Variants in GSR observed in about 807,000 individuals in gnomAD.
GSR encodes the protein glutathione reductase, mitochondrial.
Under a neutral mutation model 56.5 loss-of-function variants are expected in GSR, and 48 were observed. The observed-to-expected ratio is 0.85, with a 90% confidence interval of 0.67 to 1.08. GSR has a LOEUF of 1.08. Ranked by LOEUF, GSR falls within the 50% of genes least tolerant of loss-of-function variation. GSR has a pLI of 0.00. For missense variants in GSR, 694 were observed against 703.3 expected, an observed-to-expected ratio of 0.99 and a Z score of 0.15; for synonymous variants, 264 against 270.8, an observed-to-expected ratio of 0.97 and a Z score of 0.25.
chr8:30,696,486 C>T lies in GSR; in HGVS notation c.696-7G>A, dbSNP rs376634766. 1.8e-5 allele frequency: 28 copies of T among 1,585,362 alleles called. No homozygotes were observed. In the African/African-American group the frequency reaches 1.9e-4, roughly 11 times the overall value. On this transcript the variant is annotated splice_region_variant and splice_polypyrimidine_tract_variant and intron_variant, in intron 6 of 12. Transcript: ENST00000221130. Reference sequence around the variant, plus strand: ...ACCAACAATGACGCTGCGGCTGAGACGCGAGCAGAGGGTTAGTATTCTTAA... The same window carrying T: ...ACCAACAATGACGCTGCGGCTGAGATGCGAGCAGAGGGTTAGTATTCTTAA...
chr8:30,711,240 G>T (rs1804132139), intron 2 of GSR, among the ~76,000 whole-genome samples: 1 of 152,148 alleles, frequency 6.6e-6, no homozygotes. Flanking sequence ...CATTAATAAA[G>T]GTGGTAAGCT....
At chr8:30,711,808 G>A (rs2551704) in intron 2 of GSR, among the ~76,000 whole-genome samples, 1 of 151,894 alleles carries the variant, frequency 6.6e-6, no homozygotes, top group African/African-American at 2.4e-5. Flanking sequence ...ACTCTAGCCT[G>A]GGTGACAAGA....
chr8:30,719,320 G>A (rs999647335), intron 1 of GSR, among the ~76,000 whole-genome samples: 11 of 151,402 alleles, frequency 7.3e-5, no homozygotes, highest in African/African-American at 2.7e-4. Flanking sequence ...GTTTCACCGT[G>A]TTAGCCAGGA....
chr8:30,697,461 TA>T (rs1367971282), intron 6 of GSR, among the ~76,000 whole-genome samples: 2 of 149,366 alleles, frequency 1.3e-5, no homozygotes, highest in Non-Finnish European at 3.0e-5. Context: ...AAAAAACCCC[TA>T]AAAGTAAAAA....
intron 10 of GSR, among the ~76,000 whole-genome samples, chr8:30,682,865 G>A (rs549593016): frequency 1.7e-3 from 252 of 150,630 alleles, no homozygotes; most frequent in African/African-American, 6.0e-3. Context: ...TCTCGCTCTT[G>A]TTGCCAGGCT....
intron 9 of GSR, among the ~76,000 whole-genome samples, chr8:30,684,968 TATTTATTTATTTATTTATTG>T (rs1435862658): frequency 7.1e-6 from 1 of 139,924 alleles, no homozygotes; most frequent in African/African-American, 2.9e-5. Flanking sequence ...TTTATTTATT[TATTTATTTATTTATTTATTG>T]AGATGGAGTC....
chr8:30,720,254 C>G (rs1252816699), intron 1 of GSR, among the ~76,000 whole-genome samples: 1 of 152,080 alleles, frequency 6.6e-6, no homozygotes, highest in African/African-American at 2.4e-5. Flanking sequence ...TCCCCACAAC[C>G]TCCCACCACA....
chr8:30,692,878 GTGT>G (rs1803434899), intron 8 of GSR, 88 bp downstream of exon 8: 2 of 796,520 alleles, frequency 2.5e-6, no homozygotes, highest in East Asian at 4.8e-5. Context: ...GGTAGACATA[GTGT>G]TTGTGTTTTT....
At chr8:30,706,061 A>G (rs1803908260) in intron 4 of GSR, among the ~76,000 whole-genome samples, 1 of 152,020 alleles carries the variant, frequency 6.6e-6, no homozygotes, top group African/African-American at 2.4e-5. Flanking sequence ...CTGTAATCCC[A>G]GCATGTTGGA....
intron 2 of GSR, 98 bp from the exon 3 acceptor site, chr8:30,710,000 T>C (rs1470077530): frequency 9.7e-6 from 7 of 718,374 alleles, no homozygotes; most frequent in Non-Finnish European, 1.4e-5. Context: ...TAACAGCAGA[T>C]AAAAATACTG....
At chr8:30,707,913 C>T (rs1053499084) in intron 4 of GSR, among the ~76,000 whole-genome samples, 159 bp downstream of exon 4, 4 of 151,988 alleles carry the variant, frequency 2.6e-5, no homozygotes, top group African/African-American at 4.8e-5. Flanking sequence ...GCCGAGATTG[C>T]GCCCCTGCAC....
Position 30,680,913 on chromosome 8 carries a change from C to T in GSR, c.1410G>A (p.Lys470=), listed in dbSNP as rs780070758. Reference sequence around the variant, plus strand: ...CTGGATTTTTCCTTACCTTTTCTTCCTTGTTAGCACAGACCATTTTCATCA... The same window carrying T: ...CTGGATTTTTCCTTACCTTTTCTTCTTTGTTAGCACAGACCATTTTCATCA... ...KCVMKMVCAN[K]EEKVVGIHMQ... is the part of the protein sequence containing the mutation. Residue 470 remains lysine, a synonymous_variant, in exon 12 of 13, where the codon AAG becomes AAA. Transcript: ENST00000221130. 2 of 1,613,686 alleles carry T rather than the reference C, an allele frequency of 1.2e-6. No individual in the cohort carries two copies. Among genetic ancestry groups the T allele is most frequent in the Non-Finnish European group, 1.7e-6 (2 of 1,179,892 alleles).
At chr8:30,712,227 T>C in intron 1 of GSR, 139 bp from the exon 2 acceptor site, 1 of 568,052 alleles carries the variant, frequency 1.8e-6, no homozygotes, top group South Asian at 2.5e-5. Context: ...TTCTAGTTAC[T>C]TTCTTTGTTA....
chr8:30,689,645 C>A (rs1329879907), intron 8 of GSR, among the ~76,000 whole-genome samples: 1 of 151,204 alleles, frequency 6.6e-6, no homozygotes. Context: ...AAGTGGTAAA[C>A]CTAAGCATAG....
chr8:30,685,985 CAAAAAAAAA>C (rs71206274), intron 9 of GSR, among the ~76,000 whole-genome samples: 17 of 37,240 alleles, frequency 4.6e-4, no homozygotes, highest in East Asian at 2.5e-3. Context: ...GACTCTGCCT[CAAAAAAAAA>C]AAAAAAAAAA....
chr8:30,710,297 CAG>C (rs1249705220), intron 2 of GSR, among the ~76,000 whole-genome samples: 27 of 151,972 alleles, frequency 1.8e-4, no homozygotes, highest in African/African-American at 5.8e-4. Flanking sequence ...GCCTGAGTGA[CAG>C]AGTCTCTGTC....
At chr8:30,710,719 A>C (rs1804104448) in intron 2 of GSR, among the ~76,000 whole-genome samples, 1 of 36,160 alleles carries the variant, frequency 2.8e-5, no homozygotes. Flanking sequence ...TGTCTCAAAA[A>C]AAAAAAAAAA....
chr8:30,696,973 A>T (rs1289091066), intron 6 of GSR, among the ~76,000 whole-genome samples: 1 of 152,166 alleles, frequency 6.6e-6, no homozygotes, highest in Admixed American at 6.6e-5. Flanking sequence ...TGCCGGCATT[A>T]CAGGTGTAAG....
Position 30,682,015 on chromosome 8 carries a change from A to G in GSR, c.1200T>C (p.Tyr400=). ...GRKLAHRLFE[Y]KEDSKLDYNN... is the part of the protein sequence containing the mutation. Reference sequence around the variant, plus strand: ...TATAATCTAATTTGGAATCTTCCTTATATTCAAAAAGTCGATGGGCAAGTT... The same window carrying G: ...TATAATCTAATTTGGAATCTTCCTTGTATTCAAAAAGTCGATGGGCAAGTT... The change falls in exon 11 of 13, where the codon TAT becomes TAC. Residue 400 remains tyrosine (Y), a synonymous_variant. Transcript: ENST00000221130. The G allele has an allele frequency of 6.2e-7, 1 of 1,613,298 alleles. No homozygotes were observed. Among genetic ancestry groups the G allele is most frequent in the Middle Eastern group, 1.6e-4 (1 of 6,062 alleles).
Sources: allele counts gnomAD v4.1 joint callset (sites outside exome capture counted in the v4.1 genomes callset), GRCh38; gene constraint gnomAD v4.1.1; transcripts MANE v1.5; gene names NCBI Gene and HGNC (gene_info 2026-07-23, HGNC 2026-07-21).